The following STXBP5L variants were observed in gnomAD, a reference collection of about 807,000 sequenced individuals.
STXBP5L encodes syntaxin binding protein 5L, also known as syntaxin-binding protein 5-like.
Under a neutral mutation model 144.5 loss-of-function variants are expected in STXBP5L, and 65 were observed. That is an observed-to-expected ratio of 0.45 (90% CI 0.37 to 0.55). The LOEUF (loss-of-function observed/expected upper bound fraction) is 0.55. Ranked by LOEUF, STXBP5L falls within the 20% of genes least tolerant of loss-of-function variation. The pLI is 0.00. For missense variants in STXBP5L, 1,298 were observed against 1,405.5 expected (o/e 0.92, Z 1.22); for synonymous variants, 505 against 469.6 (o/e 1.08, Z -0.97).
chr3:121,112,554 G>A (rs2044036733), intron 5 of STXBP5L, among the ~76,000 whole-genome samples: 1 of 151,818 alleles, frequency 6.6e-6, no homozygotes, highest in African/African-American at 2.4e-5. Context: ...TTCTCTCGCC[G>A]TTTTCATTCT....
intron 19 of STXBP5L, among the ~76,000 whole-genome samples, chr3:121,309,576 C>G (rs1462026375): frequency 6.6e-6 from 1 of 151,888 alleles, no homozygotes; most frequent in Admixed American, 6.6e-5. Flanking sequence ...AAAATAGATA[C>G]AAGAACTAGA....
chr3:120,972,413 G>A (rs1040898870), intron 3 of STXBP5L, among the ~76,000 whole-genome samples: 3 of 152,012 alleles, frequency 2.0e-5, no homozygotes, highest in Admixed American at 6.6e-5. Flanking sequence ...TTTATACAAT[G>A]ATTTTTATAT....
chr3:120,997,884 A>G (rs996951337), intron 3 of STXBP5L, among the ~76,000 whole-genome samples: 1 of 152,186 alleles, frequency 6.6e-6, no homozygotes, highest in Admixed American at 6.6e-5. Flanking sequence ...CTGATCCACT[A>G]AGATCAAATA....
chr3:120,990,702 C>G (rs1467381234), intron 3 of STXBP5L, among the ~76,000 whole-genome samples: 1 of 152,156 alleles, frequency 6.6e-6, no homozygotes, highest in African/African-American at 2.4e-5. Flanking sequence ...TGATCTTTGA[C>G]AAACGTGACA....
chr3:121,424,014 G>A lies in STXBP5L; in HGVS notation c.*4917G>A, dbSNP rs2047408346. The A allele has an allele frequency of 6.6e-6, 1 of 152,128 alleles. No individual in the cohort carries two copies. The highest frequency in any genetic ancestry group is 1.5e-5 in the Non-Finnish European group (1 of 68,024). The allele number at this position is 152,128 out of a possible 1,614,324, so 9.4% of individuals were successfully genotyped here. On this transcript the variant is annotated 3_prime_UTR_variant, in exon 27 of 27. Coordinates refer to ENST00000471454, the MANE Select transcript of STXBP5L (RefSeq NM_001308330.2). The stretch of plus-strand genomic sequence containing the variant: ...CATGTGACATCACAAGATACCAGAA[G>A]TAGCACAGTAAATTCAAGAGCATAT...
At chr3:121,184,515 A>T (rs2047290844) in intron 9 of STXBP5L, among the ~76,000 whole-genome samples, 1 of 151,902 alleles carries the variant, frequency 6.6e-6, no homozygotes, top group Non-Finnish European at 1.5e-5. Context: ...AGATTAGAGA[A>T]AGCAGAATGA....
At chr3:121,221,468 T>C (rs2048970905) in intron 10 of STXBP5L, among the ~76,000 whole-genome samples, 1 of 151,668 alleles carries the variant, frequency 6.6e-6, no homozygotes, top group South Asian at 2.1e-4. Context: ...TAGTAGGTAG[T>C]TAAGCTTAAT....
chr3:121,312,879 AAACATCCGATTTC>A (rs1294856156), intron 19 of STXBP5L, among the ~76,000 whole-genome samples: 1 of 152,196 alleles, frequency 6.6e-6, no homozygotes, highest in African/African-American at 2.4e-5. Flanking sequence ...CAGACCCGGT[AAACATCCGATTTC>A]TCAATTCTTT....
chr3:121,064,125 C>G (rs923329833), intron 5 of STXBP5L, among the ~76,000 whole-genome samples: 1 of 151,826 alleles, frequency 6.6e-6, no homozygotes, highest in African/African-American at 2.4e-5. Context: ...GGTGTAGGCT[C>G]CGGAGGGAAT....
At chr3:120,932,326 C>T (rs989638475) in intron 2 of STXBP5L, among the ~76,000 whole-genome samples, 2 of 152,158 alleles carry the variant, frequency 1.3e-5, no homozygotes, top group Admixed American at 6.5e-5. Flanking sequence ...TATTTATTTA[C>T]ATTTCTTTCC....
chr3:121,260,633 A>G (rs2050353497), intron 18 of STXBP5L, among the ~76,000 whole-genome samples: 1 of 152,132 alleles, frequency 6.6e-6, no homozygotes, highest in South Asian at 2.1e-4. Context: ...ATGGCTAAGA[A>G]TTGTGCCAAT....
At chr3:120,912,575 T>A (rs1708900017) in intron 2 of STXBP5L, among the ~76,000 whole-genome samples, 1 of 151,510 alleles carries the variant, frequency 6.6e-6, no homozygotes, top group African/African-American at 2.4e-5. Context: ...ATCTATGAGA[T>A]GTTCAAAGTC....
chr3:121,400,893 A>C (rs1176926855), intron 22 of STXBP5L, among the ~76,000 whole-genome samples: 2 of 152,218 alleles, frequency 1.3e-5, no homozygotes, highest in African/African-American at 4.8e-5. Context: ...AATATTATGA[A>C]TAATAAAAAA....
Position 121,378,843 on chromosome 3 carries a change from G to A in STXBP5L, c.2304G>A (p.Gln768=), listed in dbSNP as rs1426447263. ...GAAGACCACCATTTCGAAAGGCCCA[G>A]TCAGCAGCCTGCATGGAGATTTCTT... ...GPGRPPFRKA[Q]SAACMEISLP... is the part of the protein sequence containing the mutation. Residue 768 remains glutamine, a synonymous_variant, in exon 21 of 27, where the codon CAG becomes CAA. Transcript: ENST00000471454. The A allele has an allele frequency of 1.2e-6, 2 of 1,613,586 alleles. No homozygotes were observed. Among genetic ancestry groups the A allele is most frequent in the African/African-American group, 1.3e-5 (1 of 74,910 alleles).
chr3:121,156,870 A>G (rs2046133025), intron 8 of STXBP5L, among the ~76,000 whole-genome samples: 3 of 152,036 alleles, frequency 2.0e-5, no homozygotes, highest in African/African-American at 4.8e-5. Flanking sequence ...TGCAAATAGT[A>G]TGCTGTTTTA....
intron 3 of STXBP5L, among the ~76,000 whole-genome samples, chr3:121,004,117 C>G (rs988057775): frequency 5.3e-5 from 8 of 151,904 alleles, no homozygotes; most frequent in African/African-American, 1.9e-4. Context: ...GGGGATGGCA[C>G]TGAATCTATA....
intron 3 of STXBP5L, among the ~76,000 whole-genome samples, chr3:121,015,546 A>T (rs538742752): frequency 6.6e-6 from 1 of 152,286 alleles, no homozygotes; most frequent in East Asian, 1.9e-4. Flanking sequence ...TGGGACTAGC[A>T]TGAGAATGAG....
chr3:120,984,081 C>G (rs527371492), intron 3 of STXBP5L, among the ~76,000 whole-genome samples: 2 of 152,286 alleles, frequency 1.3e-5, no homozygotes, highest in African/African-American at 4.8e-5. Flanking sequence ...CCACTCCACT[C>G]TCAGTGGTTC....
At chr3:121,347,076 A>G (rs1395054928) in intron 20 of STXBP5L, among the ~76,000 whole-genome samples, 11 of 152,104 alleles carry the variant, frequency 7.2e-5, no homozygotes, top group Non-Finnish European at 1.6e-4. Flanking sequence ...TAGGGTTTTT[A>G]TGGTTTTAGG....
Sources: allele counts gnomAD v4.1 joint callset (sites outside exome capture counted in the v4.1 genomes callset), GRCh38; gene constraint gnomAD v4.1.1; transcripts MANE v1.5; gene names NCBI Gene and HGNC (gene_info 2026-07-23, HGNC 2026-07-21).